Variants in LIMS2 observed in about 807,000 individuals in gnomAD.
The protein encoded by LIMS2 is LIM and senescent cell antigen-like-containing domain protein 2.
LIMS2 carries 30 observed loss-of-function variants against 45.3 expected under a neutral mutation model. The observed-to-expected ratio is 0.66, with a 90% confidence interval of 0.50 to 0.90. The LOEUF is 0.90. LIMS2 is among the 40% of genes least tolerant of loss of function. The probability of loss-of-function intolerance (pLI) is 0.00; values close to 1 mark genes in which losing one functional copy is unlikely to be tolerated. For missense variants in LIMS2, 485 were observed against 468.7 expected (o/e 1.03, Z -0.32); for synonymous variants, 173 against 188.0 (o/e 0.92, Z 0.65).
intron 1 of LIMS2, among the ~76,000 whole-genome samples, chr2:127,661,180 C>T (rs1684628792): frequency 6.6e-6 from 1 of 151,930 alleles, no homozygotes; most frequent in East Asian, 1.9e-4. Flanking sequence ...CCCAGCCGCT[C>T]AGCTCTACAC....
chr2:127,656,499 T>C (rs1160066506), intron 2 of LIMS2, among the ~76,000 whole-genome samples: 1 of 151,476 alleles, frequency 6.6e-6, no homozygotes, highest in African/African-American at 2.4e-5. Context: ...CTGCAACCTC[T>C]GCCTCCCAGG....
intron 4 of LIMS2, chr2:127,650,133 G>A: frequency 6.7e-7 from 1 of 1,492,678 alleles, no homozygotes. Flanking sequence ...TGCCATCCTG[G>A]GGGCACCCTC....
rs944148490 is a variant in LIMS2, at chr2:127,664,932, A to G, written c.12-7370T>C. Among the ~76,000 whole-genome samples the G allele has an allele frequency of 1.3e-5, 2 of 152,296 alleles. No homozygotes were observed. Among genetic ancestry groups the G allele is most frequent in the South Asian group, 4.1e-4 (2 of 4,820 alleles). ...TCTGCCACAAACATCACCGTGGGGC[A>G]CCCAGACCAGGGCAGAGCCGATCCT... On this transcript the variant is annotated intron_variant, in intron 1 of 9. Transcript: ENST00000355119. This position sits in a 1 kb window ranked among gnomAD's most constrained non-coding sequence, Gnocchi z 5.5.
chr2:127,644,180 C>G (rs79149594), intron 4 of LIMS2: 13,164 of 447,172 alleles, frequency 0.029, 251 homozygotes, highest in Non-Finnish European at 0.039. Context: ...AAAGGCCCAG[C>G]AGTCACTGGC....
intron 1 of LIMS2, among the ~76,000 whole-genome samples, chr2:127,666,079 A>C (rs1684984081): frequency 6.6e-6 from 1 of 152,212 alleles, no homozygotes; most frequent in Non-Finnish European, 1.5e-5. Flanking sequence ...GTCCTGCTGC[A>C]GGGATGGGAT....
rs1197439231 is a variant in LIMS2 at position 127,672,576 on chromosome 2, G to A, written c.11+2438C>T. Among the ~76,000 whole-genome samples, 8 of 152,168 alleles carry A rather than the reference G, an allele frequency of 5.3e-5. No homozygotes were observed. The highest frequency in any genetic ancestry group is 1.5e-5 in the Non-Finnish European group (1 of 68,040). ...GCCCACCTCACAGCCAGTCAGTTGG[G>A]TCCTGTCCACTCCACCTCCCAGAAC... On this transcript the variant is annotated intron_variant, in intron 1 of 9. Transcript: ENST00000355119. This position sits in a 1 kb window ranked among gnomAD's most constrained non-coding sequence, Gnocchi z 4.9.
chr2:127,679,756 G>A (rs1393677483), upstream of LIMS2, among the ~76,000 whole-genome samples: 2 of 152,074 alleles, frequency 1.3e-5, no homozygotes, highest in African/African-American at 2.4e-5. The surrounding 1 kb of genome is among the most constrained non-coding windows in gnomAD (Gnocchi z 5.3). Context: ...AGGAGAACCC[G>A]GGGTCTCAAA....
intron 1 of LIMS2, among the ~76,000 whole-genome samples, chr2:127,681,125 G>T (rs1312925069): frequency 1.3e-5 from 2 of 152,182 alleles, no homozygotes; most frequent in African/African-American, 2.4e-5. Context: ...AAGGCCCCGC[G>T]TGCGGCCACA....
intron 1 of LIMS2, among the ~76,000 whole-genome samples, chr2:127,663,986 C>G (rs1005280975): frequency 2.0e-5 from 3 of 152,214 alleles, no homozygotes; most frequent in African/African-American, 7.2e-5. Flanking sequence ...GTCTGCTCTG[C>G]TCAGAACCTG....
At chr2:127,669,885 A>C (rs1685200373) in intron 1 of LIMS2, among the ~76,000 whole-genome samples, 1 of 152,244 alleles carries the variant, frequency 6.6e-6, no homozygotes, top group Non-Finnish European at 1.5e-5. Context: ...CAGATACATG[A>C]AAAGATGCTC....
chr2:127,639,962 C>A, intron 9 of LIMS2, 108 bp downstream of exon 9: 1 of 1,218,280 alleles, frequency 8.2e-7, no homozygotes. Flanking sequence ...CTTGTCCCCA[C>A]CATATCCCCA....
intron 1 of LIMS2, among the ~76,000 whole-genome samples, chr2:127,659,591 A>G (rs28696915): frequency 0.19 from 28,625 of 152,282 alleles, 3,184 homozygotes; most frequent in African/African-American, 0.31. Flanking sequence ...CAGGGAGGAC[A>G]TTCCAGTGCC....
rs557747474 is a variant in LIMS2 at position 127,649,551 on chromosome 2, T to C, written c.359+4873A>G. ...GCCAGGTGCGCTGTCCTGCCCTGGTTCCGGGCTGCGGGCTGCTCTGGCCCC... is the reference window on the plus strand; with the variant it reads ...GCCAGGTGCGCTGTCCTGCCCTGGTCCCGGGCTGCGGGCTGCTCTGGCCCC... On this transcript the variant is annotated intron_variant, in intron 4 of 9. Transcript: ENST00000355119. Among the ~76,000 whole-genome samples the C allele has an allele frequency of 1.1e-3, 174 of 152,340 alleles. 1 individual carries two copies. Among genetic ancestry groups the C allele is most frequent in the African/African-American group, 4.0e-3 (166 of 41,572 alleles).
chr2:127,655,743 G>A (rs1558889027), intron 2 of LIMS2: 1 of 152,316 alleles, frequency 6.6e-6, no homozygotes, highest in South Asian at 2.1e-4. Flanking sequence ...CATTCCTCAG[G>A]AGGCTGAAGA....
chr2:127,675,655 G>A (rs1199381745), upstream of LIMS2, among the ~76,000 whole-genome samples: 16 of 152,122 alleles, frequency 1.1e-4, no homozygotes, highest in Admixed American at 1.0e-3. Context: ...TCCCTGGGCC[G>A]CCCCAACCGC....
chr2:127,679,095 A>T (rs977086138), upstream of LIMS2, among the ~76,000 whole-genome samples: 2 of 152,056 alleles, frequency 1.3e-5, no homozygotes, highest in African/African-American at 4.8e-5. The surrounding 1 kb of genome is among the most constrained non-coding windows in gnomAD (Gnocchi z 5.3). Flanking sequence ...CCGTGTGCAC[A>T]CTGCTGCGTG....
chr2:127,651,784 G>A (rs756905832), intron 4 of LIMS2: 1 of 1,586,458 alleles, frequency 6.3e-7, no homozygotes, highest in East Asian at 2.3e-5. Context: ...GCCGAGCGCA[G>A]ACTGTTTAGG....
chr2:127,642,619 C>CCT lies in LIMS2; in HGVS notation c.509+302_509+303dup, dbSNP rs1481426762. The CCT allele has an allele frequency of 1.4e-5, 6 of 428,046 alleles. No homozygotes were observed. Among genetic ancestry groups the CCT allele is most frequent in the Non-Finnish European group, 2.5e-5 (6 of 236,714 alleles). 26.5% of individuals were successfully genotyped at this position (428,046 alleles called of 1,614,324 possible). The stretch of plus-strand genomic sequence containing the variant: ...CCACTCCCGGTCTCTTGCCCTGCCC[C>CCT]CTCAGGTCCCTTCCACTGCTCCATC... On this transcript the variant is annotated intron_variant, in intron 5 of 9. Transcript: ENST00000355119. This position sits in a 1 kb window ranked among gnomAD's most constrained non-coding sequence, Gnocchi z 5.3.
upstream of LIMS2, among the ~76,000 whole-genome samples, chr2:127,676,131 G>A (rs1685493714): frequency 6.6e-6 from 1 of 152,244 alleles, no homozygotes; most frequent in African/African-American, 2.4e-5. Flanking sequence ...ATTTCCAGCT[G>A]GACAGTGGCG....
Sources: gnomAD v4.1 joint callset for allele counts (sites outside exome capture counted in the v4.1 genomes callset) on GRCh38, gnomAD v4.1.1 for gene constraint, Gnocchi (gnomAD v3.1) non-coding constraint, MANE v1.5 for transcripts, NCBI Gene and HGNC (gene_info 2026-07-23, HGNC 2026-07-21) for gene names.